The following MTBP variants were observed in gnomAD, a reference collection of about 807,000 sequenced individuals.
MTBP encodes the protein MDM2 binding protein, also known as mdm2-binding protein.
A neutral mutation model predicts 117.0 loss-of-function variants in MTBP; 101 were observed. The observed-to-expected ratio is 0.86, with a 90% CI of 0.73 to 1.02. The LOEUF is 1.02. Ranked by LOEUF, MTBP falls within the 50% of genes least tolerant of loss-of-function variation. The pLI, the probability that MTBP is intolerant of heterozygous loss-of-function variation, is 0.00. For missense variants in MTBP, 970 were observed against 1,030.9 expected (o/e 0.94, Z 0.81); for synonymous variants, 350 against 351.5 (o/e 1.00, Z 0.05).
At chr8:120,517,366 C>A (rs13250378) in intron 18 of MTBP, among the ~76,000 whole-genome samples, 1 of 151,932 alleles carries the variant, frequency 6.6e-6, no homozygotes, top group Non-Finnish European at 1.5e-5. Flanking sequence ...AATAGCAGCA[C>A]TCTTGGCATG....
At position 120,488,146 on chromosome 8, in the gene MTBP, T is replaced by A; in HGVS notation, c.1166-13T>A. Reference sequence around the variant, plus strand: ...ATTTTCACATACTTAACAAGATAATTGTTTTTGTTTAGTTCCAGATGTTGA... The same window carrying A: ...ATTTTCACATACTTAACAAGATAATAGTTTTTGTTTAGTTCCAGATGTTGA... On this transcript the variant is annotated splice_polypyrimidine_tract_variant and intron_variant, in intron 11 of 21. Coordinates refer to ENST00000305949, the MANE Select transcript of MTBP (RefSeq NM_022045.5). 6.4e-7 allele frequency: 1 copy of A among 1,574,372 alleles called. No individual in the cohort carries two copies. Among genetic ancestry groups the A allele is most frequent in the Non-Finnish European group, 8.6e-7 (1 of 1,164,384 alleles).
chr8:120,464,683 A>G (rs537483473), intron 10 of MTBP, among the ~76,000 whole-genome samples: 6 of 152,194 alleles, frequency 3.9e-5, no homozygotes, highest in African/African-American at 1.4e-4. Context: ...CTCTTTTTCC[A>G]TAAATTTAAT....
At chr8:120,495,395 T>A (rs1814430161) in intron 13 of MTBP, among the ~76,000 whole-genome samples, 2 of 152,190 alleles carry the variant, frequency 1.3e-5, no homozygotes, top group African/African-American at 2.4e-5. Context: ...CTAGAAGGTT[T>A]ACTCTGAGTC....
intron 13 of MTBP, among the ~76,000 whole-genome samples, chr8:120,493,441 C>T (rs1814388279): frequency 6.6e-6 from 1 of 151,684 alleles, no homozygotes; most frequent in Non-Finnish European, 1.5e-5. Context: ...AGGTCAGGTT[C>T]AGGTTCAGAT....
chr8:120,508,321 GA>G (rs1302559862), intron 16 of MTBP, among the ~76,000 whole-genome samples: 1 of 152,024 alleles, frequency 6.6e-6, no homozygotes, highest in East Asian at 1.9e-4. Flanking sequence ...ATTTTAGAAA[GA>G]AAAACTTGTG....
intron 2 of MTBP, among the ~76,000 whole-genome samples, chr8:120,449,213 T>C (rs1355210380): frequency 3.9e-5 from 6 of 152,016 alleles, no homozygotes; most frequent in African/African-American, 1.5e-4. Context: ...TGAATTGGTA[T>C]GATGTAGAAG....
rs146987976 is a variant in MTBP, at chr8:120,468,629, G to T, written c.1048-2191G>T. Among the ~76,000 whole-genome samples the T allele has an allele frequency of 8.0e-4, 122 of 151,894 alleles. 3 individuals are homozygous for T. The highest frequency in any genetic ancestry group is 3.4e-3 in the Middle Eastern group (1 of 294). On this transcript the variant is annotated intron_variant, in intron 10 of 21. Transcript: ENST00000305949. ...ATTCAACTTTTGAAGCATTCATTGT[G>T]TGACGTGTGGTCAGGCGTTGTCATG...
chr8:120,486,782 T>G (rs972467680), intron 11 of MTBP, among the ~76,000 whole-genome samples: 9 of 152,204 alleles, frequency 5.9e-5, no homozygotes, highest in African/African-American at 9.7e-5. Context: ...TCTTAAAAAC[T>G]AAGCCACAAC....
At chr8:120,486,527 G>A (rs1814219555) in intron 11 of MTBP, among the ~76,000 whole-genome samples, 1 of 152,208 alleles carries the variant, frequency 6.6e-6, no homozygotes, top group African/African-American at 2.4e-5. Flanking sequence ...TAGGGGCTAG[G>A]TGGAGAAAGG....
intron 7 of MTBP, 49 bp downstream of exon 7, chr8:120,456,719 A>G (rs1463458410): frequency 2.2e-6 from 2 of 889,416 alleles, no homozygotes; most frequent in South Asian, 1.4e-5. Flanking sequence ...AATTTTATTT[A>G]CAACACAGAT....
chr8:120,517,314 C>T (rs1040317327), intron 18 of MTBP, among the ~76,000 whole-genome samples: 1 of 151,872 alleles, frequency 6.6e-6, no homozygotes, highest in African/African-American at 2.4e-5. Flanking sequence ...ATTATCTTAA[C>T]AGAAAAGTAT....
chr8:120,462,146 T>G (rs1813594067), intron 9 of MTBP, among the ~76,000 whole-genome samples: 1 of 152,102 alleles, frequency 6.6e-6, no homozygotes, highest in African/African-American at 2.4e-5. Context: ...ATGATTGGGG[T>G]TAAATTCTAT....
At chr8:120,500,174 G>A (rs1435130746) in intron 14 of MTBP, among the ~76,000 whole-genome samples, 1 of 151,870 alleles carries the variant, frequency 6.6e-6, no homozygotes, top group Non-Finnish European at 1.5e-5. Flanking sequence ...TGTGTTTCCT[G>A]TAAAATGATT....
intron 5 of MTBP, 127 bp from the exon 6 acceptor site, chr8:120,455,308 G>A: frequency 1.9e-6 from 1 of 516,858 alleles, no homozygotes; most frequent in South Asian, 3.7e-5. Flanking sequence ...AGCTTCCTTT[G>A]TCTTCTAAAT....
chr8:120,520,709 T>A (rs934519711), intron 20 of MTBP, among the ~76,000 whole-genome samples: 21 of 152,114 alleles, frequency 1.4e-4, no homozygotes, highest in Admixed American at 6.6e-5. Context: ...GGCATTGGAC[T>A]TCTCCACAGT....
chr8:120,512,811 T>G (rs962418820), intron 17 of MTBP, among the ~76,000 whole-genome samples: 1 of 152,150 alleles, frequency 6.6e-6, no homozygotes, highest in Admixed American at 6.5e-5. Flanking sequence ...GAAACATGTT[T>G]TTTTCAAGAA....
chr8:120,518,700 C>G lies in MTBP; in HGVS notation c.2497-4C>G, dbSNP rs773497562. On this transcript the variant is annotated splice_region_variant and splice_polypyrimidine_tract_variant and intron_variant, in intron 19 of 21. Coordinates refer to ENST00000305949, the MANE Select transcript of MTBP (RefSeq NM_022045.5). ...TATTCGTCATATGTTATGTTCTGTTCAAGATACTGAAAGAAGTAGTTACTG... is the reference window on the plus strand; with the variant it reads ...TATTCGTCATATGTTATGTTCTGTTGAAGATACTGAAAGAAGTAGTTACTG... 5 of 1,583,812 alleles carry G rather than the reference C, an allele frequency of 3.2e-6. No individual in the cohort carries two copies. In the Admixed American group the frequency reaches 8.5e-5, roughly 27 times the overall value.
At chr8:120,501,190 CAAA>C (rs59706254) in intron 14 of MTBP, among the ~76,000 whole-genome samples, 6 of 45,964 alleles carry the variant, frequency 1.3e-4, no homozygotes, top group Admixed American at 3.4e-4. Flanking sequence ...AACTCCATCT[CAAA>C]AAAAAAAAAA....
chr8:120,456,872 A>G (rs1480991446), intron 7 of MTBP, among the ~76,000 whole-genome samples: 7 of 152,196 alleles, frequency 4.6e-5, no homozygotes, highest in African/African-American at 1.4e-4. Flanking sequence ...AGCACTTTAT[A>G]TGTGAGTAGT....
Sources: allele counts gnomAD v4.1 joint callset (sites outside exome capture counted in the v4.1 genomes callset), GRCh38; gene constraint gnomAD v4.1.1; transcripts MANE v1.5; gene names NCBI Gene and HGNC (gene_info 2026-07-23, HGNC 2026-07-21).